CDK14: variants seen among roughly 807,000 people sequenced by gnomAD.
CDK14 encodes cyclin dependent kinase 14.
A neutral mutation model predicts 60.7 loss-of-function variants in CDK14; 34 were observed. The observed-to-expected ratio is 0.56, with a 90% CI of 0.43 to 0.75. The LOEUF is 0.75. Among genes scored for constraint, CDK14 ranks in the 30% least tolerant of loss-of-function variants. The pLI is 0.00. For missense variants in CDK14, 482 were observed against 564.1 expected (o/e 0.85, Z 1.47); for synonymous variants, 197 against 203.7 (o/e 0.97, Z 0.28).
intron 10 of CDK14, among the ~76,000 whole-genome samples, chr7:90,999,674 A>G (rs1795788782): frequency 6.6e-6 from 1 of 152,190 alleles, no homozygotes; most frequent in African/African-American, 2.4e-5. Flanking sequence ...CTTCCTGTGT[A>G]TTTAAGTTGT....
At chr7:91,063,867 C>T (rs1263959356) in intron 11 of CDK14, among the ~76,000 whole-genome samples, 1 of 152,074 alleles carries the variant, frequency 6.6e-6, no homozygotes, top group Non-Finnish European at 1.5e-5. Flanking sequence ...TTAATAGTTT[C>T]AGTGGCAATA....
chr7:91,080,301 A>T (rs989720215), intron 12 of CDK14, among the ~76,000 whole-genome samples: 3 of 152,222 alleles, frequency 2.0e-5, no homozygotes, highest in Non-Finnish European at 4.4e-5. Context: ...ATAACAAAAA[A>T]CTTTTTCATA....
chr7:90,766,142 T>C (rs1804546870), intron 4 of CDK14, among the ~76,000 whole-genome samples: 1 of 152,202 alleles, frequency 6.6e-6, no homozygotes, highest in Non-Finnish European at 1.5e-5. Flanking sequence ...TTTGTTTTTC[T>C]TCTTTGCTCC....
At chr7:90,621,848 A>G (rs1473537943) in intron 2 of CDK14, among the ~76,000 whole-genome samples, 5 of 152,204 alleles carry the variant, frequency 3.3e-5, no homozygotes, top group Non-Finnish European at 7.3e-5. Context: ...GGAAGTTTAG[A>G]GAAGTTAAGC....
intron 2 of CDK14, among the ~76,000 whole-genome samples, chr7:90,714,349 G>T (rs756784892): frequency 2.5e-4 from 38 of 152,058 alleles, no homozygotes; most frequent in Non-Finnish European, 4.7e-4. Flanking sequence ...TCCGGTGACA[G>T]ACAAACAGCA....
rs140310599 is a variant in CDK14 at position 90,628,146 on chromosome 7, G to A, written c.123+23897G>A. Among the ~76,000 whole-genome samples, 478 of 152,046 alleles carry A rather than the reference G, an allele frequency of 3.1e-3. 3 individuals carry two copies. Among genetic ancestry groups the A allele is most frequent in the Middle Eastern group, 0.014 (4 of 294 alleles). On this transcript the variant is annotated intron_variant, in intron 2 of 14. Coordinates refer to ENST00000380050, the MANE Select transcript of CDK14 (RefSeq NM_001287135.2). ...TTTTTATTTTTATTTTTGTAGAGAC[G>A]GGGTTCTGCTGTGTTGCCCAAGTTG... is the stretch of plus-strand genomic sequence containing the variant.
chr7:90,831,459 A>T (rs536189776), intron 5 of CDK14, among the ~76,000 whole-genome samples: 2 of 152,284 alleles, frequency 1.3e-5, no homozygotes, highest in East Asian at 1.9e-4. Flanking sequence ...ACACATGGAG[A>T]TTACAGTTTG....
At chr7:91,055,245 A>G (rs960842946) in intron 11 of CDK14, among the ~76,000 whole-genome samples, 2 of 152,234 alleles carry the variant, frequency 1.3e-5, no homozygotes, top group Non-Finnish European at 2.9e-5. Context: ...AATAAAAAAG[A>G]AACAACCAAA....
chr7:90,720,196 G>A (rs1235602815), intron 2 of CDK14, among the ~76,000 whole-genome samples: 1 of 152,276 alleles, frequency 6.6e-6, no homozygotes, highest in Admixed American at 6.5e-5. Flanking sequence ...TCTAAGGTAT[G>A]CAAAATATTG....
intron 14 of CDK14, among the ~76,000 whole-genome samples, chr7:91,191,045 C>A (rs907074773): frequency 9.2e-5 from 14 of 152,246 alleles, no homozygotes; most frequent in Non-Finnish European, 1.9e-4. Flanking sequence ...TTTACTGATC[C>A]TCAGTGGCCC....
chr7:91,008,135 A>AAAC (rs1554402995), intron 10 of CDK14, among the ~76,000 whole-genome samples: 1 of 144,410 alleles, frequency 6.9e-6, no homozygotes, highest in Non-Finnish European at 1.5e-5. Flanking sequence ...GCCAAAAAAA[A>AAAC]AAAAAAAAAA....
chr7:90,993,950 GT>G (rs1180961464), intron 10 of CDK14, among the ~76,000 whole-genome samples: 2 of 151,886 alleles, frequency 1.3e-5, no homozygotes, highest in Admixed American at 1.3e-4. Context: ...TGTCTTAAAT[GT>G]TTTGAAAAAA....
intron 2 of CDK14, among the ~76,000 whole-genome samples, chr7:90,642,577 G>T (rs888310907): frequency 6.6e-6 from 1 of 151,610 alleles, no homozygotes; most frequent in Admixed American, 6.6e-5. Flanking sequence ...ACAGGGTTTC[G>T]CCATGTTGGC....
At chr7:90,671,896 C>T (rs1049147382) in intron 2 of CDK14, among the ~76,000 whole-genome samples, 4 of 152,120 alleles carry the variant, frequency 2.6e-5, no homozygotes, top group South Asian at 2.1e-4. Context: ...AAAAGACAAT[C>T]GTGTTTAAGC....
chr7:90,652,746 A>G (rs944026729), intron 2 of CDK14, among the ~76,000 whole-genome samples: 2 of 152,144 alleles, frequency 1.3e-5, no homozygotes, highest in African/African-American at 2.4e-5. Flanking sequence ...TAGTTACTCT[A>G]GTTAGTTGTA....
intron 11 of CDK14, among the ~76,000 whole-genome samples, chr7:91,055,541 A>T (rs565043534): frequency 8.5e-5 from 13 of 152,338 alleles, no homozygotes; most frequent in East Asian, 3.9e-4. Context: ...ACTTATTTTT[A>T]AAAATCCCAA....
intron 8 of CDK14, among the ~76,000 whole-genome samples, chr7:90,947,209 C>T (rs1794127012): frequency 6.6e-6 from 1 of 152,160 alleles, no homozygotes; most frequent in African/African-American, 2.4e-5. Flanking sequence ...AGTTCACTTC[C>T]CATTCCTGTC....
At chr7:90,694,775 C>T (rs1186716111) in intron 2 of CDK14, among the ~76,000 whole-genome samples, 1 of 152,086 alleles carries the variant, frequency 6.6e-6, no homozygotes, top group African/African-American at 2.4e-5. Context: ...TGAAAATATT[C>T]AAATGAGAAC....
Position 91,118,161 on chromosome 7 carries a change from T to C in CDK14, c.1391T>C (p.Leu464Pro), listed in dbSNP as rs761423097. 6.2e-7 allele frequency: 1 copy of C among 1,611,806 alleles called. No homozygotes were observed. The highest frequency in any genetic ancestry group is 8.5e-7 in the Non-Finnish European group (1 of 1,178,160). Residue 464 changes from leucine to proline, a missense_variant, in exon 14 of 15, where the codon CTA (leucine) becomes CCA (proline). Transcript: ENST00000380050. ...AAAAACAATAGTTATGGCAAAAGTCTATCAAACAGCAAGCACTGACAAGCA... is the reference window on the plus strand; with the variant it reads ...AAAAACAATAGTTATGGCAAAAGTCCATCAAACAGCAAGCACTGACAAGCA... ...FGKNNSYGKS[L>P]SNSKH
Sources: gnomAD v4.1 joint callset for allele counts (sites outside exome capture counted in the v4.1 genomes callset) on GRCh38, gnomAD v4.1.1 for gene constraint, MANE v1.5 for transcripts, NCBI Gene and HGNC (gene_info 2026-07-23, HGNC 2026-07-21) for gene names.